NELL2: variants seen among roughly 807,000 people sequenced by gnomAD.
The protein encoded by NELL2 is neural EGFL like 2.
In NELL2, 41 loss-of-function variants were observed where a neutral mutation model predicts 109.6. The ratio of observed to expected loss-of-function variants is 0.37; its 90% CI spans 0.29 to 0.49. The LOEUF is 0.49. NELL2 is among the 20% of genes least tolerant of loss of function. The pLI is 0.98. For missense variants in NELL2, 900 were observed against 1,008.3 expected (o/e 0.89, Z 1.45); for synonymous variants, 355 against 344.7 (o/e 1.03, Z -0.33).
At chr12:44,902,100 G>A (rs1299171177) in intron 1 of NELL2, among the ~76,000 whole-genome samples, 1 of 152,170 alleles carries the variant, frequency 6.6e-6, no homozygotes, top group Non-Finnish European at 1.5e-5. Flanking sequence ...AGGAAGACAG[G>A]AAGTCAAATT....
chr12:44,558,641 GC>G (rs1943346244), intron 15 of NELL2, among the ~76,000 whole-genome samples: 1 of 152,184 alleles, frequency 6.6e-6, no homozygotes, highest in South Asian at 2.1e-4. Context: ...GTGCACTCTA[GC>G]CCAGATACTA....
chr12:44,679,448 G>T (rs779417834), intron 12 of NELL2, among the ~76,000 whole-genome samples: 3 of 152,120 alleles, frequency 2.0e-5, no homozygotes, highest in Admixed American at 2.0e-4. Context: ...ACACACAGCT[G>T]TGTGAATCCA....
chr12:44,907,850 G>A (rs533143817), intron 1 of NELL2, among the ~76,000 whole-genome samples: 1 of 152,208 alleles, frequency 6.6e-6, no homozygotes, highest in South Asian at 2.1e-4. Context: ...CAAGAAATAG[G>A]ATATAGTAAA....
intron 9 of NELL2, among the ~76,000 whole-genome samples, chr12:44,739,992 A>G (rs1445487423): frequency 6.6e-6 from 1 of 152,248 alleles, no homozygotes; most frequent in Non-Finnish European, 1.5e-5. Flanking sequence ...CTATAAAGAC[A>G]GAGTTTAGTG....
chr12:44,575,438 C>T (rs951902028), intron 15 of NELL2, among the ~76,000 whole-genome samples: 24 of 152,214 alleles, frequency 1.6e-4, no homozygotes, highest in African/African-American at 5.5e-4. Context: ...TGTATCTTTG[C>T]TGCAAAGCAC....
At chr12:44,714,503 C>A (rs1352365950) in intron 10 of NELL2, 147 bp downstream of exon 10, 1 of 500,206 alleles carries the variant, frequency 2.0e-6, no homozygotes, top group Admixed American at 4.2e-5. Flanking sequence ...ATGAGAATTT[C>A]TTTACATTCA....
intron 12 of NELL2, among the ~76,000 whole-genome samples, chr12:44,693,532 C>T (rs990471160): frequency 3.9e-5 from 6 of 152,156 alleles, no homozygotes; most frequent in Admixed American, 6.5e-5. Flanking sequence ...AAATTTAGAA[C>T]GGTTTCATCT....
At chr12:44,515,889 C>T (rs181483927) in intron 19 of NELL2, among the ~76,000 whole-genome samples, 203 of 151,872 alleles carry the variant, frequency 1.3e-3, no homozygotes, top group Middle Eastern at 3.4e-3. Flanking sequence ...TTTTTTAATC[C>T]TATTACTATT....
intron 2 of NELL2, among the ~76,000 whole-genome samples, chr12:44,821,924 T>TATTTA (rs1242835074): frequency 2.6e-5 from 4 of 151,026 alleles, no homozygotes; most frequent in African/African-American, 9.7e-5. Context: ...TTTATTTATT[T>TATTTA]ATTTATTTTG....
intron 2 of NELL2, among the ~76,000 whole-genome samples, chr12:44,843,729 G>A (rs770918214): frequency 9.2e-5 from 14 of 152,176 alleles, no homozygotes; most frequent in Non-Finnish European, 1.5e-4. Flanking sequence ...CTGCTTCAAA[G>A]ATGAAGCCTT....
chr12:44,909,003 A>C (rs1945750156), intron 1 of NELL2, among the ~76,000 whole-genome samples: 1 of 151,940 alleles, frequency 6.6e-6, no homozygotes, highest in Admixed American at 6.6e-5. Context: ...AGTAATTGAG[A>C]AATCAATACA....
intron 13 of NELL2, among the ~76,000 whole-genome samples, chr12:44,632,545 A>G (rs552105879): frequency 3.9e-5 from 6 of 152,224 alleles, no homozygotes; most frequent in African/African-American, 1.4e-4. Flanking sequence ...AGATTGAATT[A>G]AATAACATAA....
chr12:44,522,625 CTG>C (rs1234038053), intron 17 of NELL2, among the ~76,000 whole-genome samples: 1 of 152,018 alleles, frequency 6.6e-6, no homozygotes, highest in Admixed American at 6.6e-5. Flanking sequence ...TTTGTATAAA[CTG>C]TTATCAATTT....
chr12:44,559,703 G>A (rs1424956137), intron 15 of NELL2, among the ~76,000 whole-genome samples: 1 of 152,128 alleles, frequency 6.6e-6, no homozygotes, highest in Non-Finnish European at 1.5e-5. Flanking sequence ...CTTACAAAGA[G>A]ACTTAGACTC....
chr12:44,796,452 A>G (rs1325535907), intron 3 of NELL2, among the ~76,000 whole-genome samples: 1 of 152,122 alleles, frequency 6.6e-6, no homozygotes, highest in Non-Finnish European at 1.5e-5. Flanking sequence ...TTAATTTTAA[A>G]TAATTTTTCT....
At chr12:44,841,410 A>G (rs748990780) in intron 2 of NELL2, among the ~76,000 whole-genome samples, 32 of 152,232 alleles carry the variant, frequency 2.1e-4, no homozygotes, top group Non-Finnish European at 4.1e-4. Context: ...TCCCAGACAT[A>G]ATGAATTAAT....
intron 12 of NELL2, among the ~76,000 whole-genome samples, chr12:44,671,873 T>C (rs145244719): frequency 2.8e-4 from 42 of 152,292 alleles, no homozygotes; most frequent in African/African-American, 1.0e-3. Flanking sequence ...GGGCTTAAGC[T>C]TGTGAGCTAG....
At chr12:44,842,120 G>GAAGGAAGGAAGA (rs1944248553) in intron 2 of NELL2, among the ~76,000 whole-genome samples, 1 of 148,530 alleles carries the variant, frequency 6.7e-6, no homozygotes, top group African/African-American at 2.5e-5. Flanking sequence ...AGGAAGGAAG[G>GAAGGAAGGAAGA]AAGGAAGGAA....
intron 11 of NELL2, among the ~76,000 whole-genome samples, chr12:44,708,666 A>T (rs1044858494): frequency 3.9e-5 from 6 of 152,196 alleles, no homozygotes; most frequent in Admixed American, 3.9e-4. Context: ...AATCTTTATT[A>T]AAAATAGCGC....
Sources: gnomAD v4.1 joint callset for allele counts (sites outside exome capture counted in the v4.1 genomes callset) on GRCh38, gnomAD v4.1.1 for gene constraint, MANE v1.5 for transcripts, NCBI Gene and HGNC (gene_info 2026-07-23, HGNC 2026-07-21) for gene names.